The following RFPL1 variants were observed in gnomAD, a reference collection of about 807,000 sequenced individuals.
RFPL1 encodes the protein ret finger protein-like 1.
In RFPL1, 6 loss-of-function variants were observed where a neutral mutation model predicts 9.6. That is an observed-to-expected ratio of 0.62 (90% CI 0.34 to 1.23). The LOEUF is 1.23. Ranked by LOEUF, RFPL1 falls within the 50% of genes most tolerant of loss-of-function variation. The pLI is 0.03. For synonymous variants in RFPL1, 145 were observed against 149.4 expected (o/e 0.97, Z 0.22); for missense variants, 352 against 398.4 (o/e 0.88, Z 0.99).
chr22:29,392,380 T>G, the RFPL1 span, among the ~76,000 whole-genome samples: 711 of 47,586 alleles, frequency 0.015, 4 homozygotes, highest in Non-Finnish European at 0.018. Context: ...ACACCTGGCT[T>G]TTTTTTTTTT....
the RFPL1 span, among the ~76,000 whole-genome samples, chr22:29,398,077 C>T: frequency 2.0e-5 from 3 of 152,196 alleles, no homozygotes; most frequent in African/African-American, 4.8e-5. Flanking sequence ...GTGGCTCATC[C>T]GCTCTACCCT....
At chr22:29,437,327 T>G (rs1194207102), upstream of RFPL1, 1 of 314,230 alleles carries the variant, frequency 3.2e-6, no homozygotes, top group South Asian at 3.4e-5. Flanking sequence ...CAATCATACT[T>G]AATACTTCAG....
the RFPL1 span, among the ~76,000 whole-genome samples, chr22:29,425,423 T>A: frequency 2.6e-5 from 4 of 152,054 alleles, no homozygotes; most frequent in African/African-American, 7.2e-5. Flanking sequence ...ATCTTGACCA[T>A]GGAAAGGTCC....
the RFPL1 span, among the ~76,000 whole-genome samples, chr22:29,427,140 C>T: frequency 6.6e-6 from 1 of 152,232 alleles, no homozygotes; most frequent in African/African-American, 2.4e-5. Context: ...CCTGGCCTGG[C>T]CACCCAGCAG....
At chr22:29,391,684 C>G in the RFPL1 span, among the ~76,000 whole-genome samples, 1 of 152,076 alleles carries the variant, frequency 6.6e-6, no homozygotes, top group South Asian at 2.1e-4. Context: ...GCTGTCTTGC[C>G]GAATGAGAAC....
At chr22:29,425,032 G>A in the RFPL1 span, among the ~76,000 whole-genome samples, 1 of 151,220 alleles carries the variant, frequency 6.6e-6, no homozygotes, top group Admixed American at 6.6e-5. Context: ...GTGAAACCCC[G>A]TCTCTACTAA....
the RFPL1 span, among the ~76,000 whole-genome samples, chr22:29,393,676 C>T: frequency 5.3e-5 from 8 of 149,704 alleles, no homozygotes; most frequent in African/African-American, 2.0e-4. Context: ...TAGCCAAGCC[C>T]ACCTGGATAG....
At chr22:29,388,722 AGTC>A in the RFPL1 span, 1 of 152,354 alleles carries the variant, frequency 6.6e-6, no homozygotes, top group African/African-American at 2.4e-5. Context: ...GCTATGCTGC[AGTC>A]TCCCGCAGAG....
At chr22:29,435,744 T>C (rs1416764392), upstream of RFPL1, among the ~76,000 whole-genome samples, 3 of 152,230 alleles carry the variant, frequency 2.0e-5, no homozygotes, top group Non-Finnish European at 4.4e-5. Context: ...TTATTTAATA[T>C]GTGATACATT....
At chr22:29,429,202 A>G in the RFPL1 span, among the ~76,000 whole-genome samples, 1 of 152,220 alleles carries the variant, frequency 6.6e-6, no homozygotes, top group Admixed American at 6.5e-5. Context: ...CTATAGGTGC[A>G]CACCATCATG....
chr22:29,392,848 T>G, the RFPL1 span, among the ~76,000 whole-genome samples: 1 of 152,142 alleles, frequency 6.6e-6, no homozygotes, highest in Non-Finnish European at 1.5e-5. Flanking sequence ...CCTGAGAACT[T>G]AAATAGCATG....
At chr22:29,415,544 G>T in the RFPL1 span, among the ~76,000 whole-genome samples, 1 of 152,252 alleles carries the variant, frequency 6.6e-6, no homozygotes, top group Non-Finnish European at 1.5e-5. Context: ...GCTCCACAGG[G>T]CAAGCCTAAG....
chr22:29,395,599 C>T, the RFPL1 span, among the ~76,000 whole-genome samples: 1 of 152,224 alleles, frequency 6.6e-6, no homozygotes, highest in South Asian at 2.1e-4. Flanking sequence ...CCTAGCTGTA[C>T]ACCACAGGCT....
exon 1 of RFPL1, chr22:29,439,098 A>C (rs765648030): frequency 1.9e-5 from 31 of 1,614,048 alleles, no homozygotes; most frequent in Non-Finnish European, 2.5e-5. Flanking sequence ...GGCTTCCCAC[A>C]TCAAGGAACT....
At chr22:29,388,504 C>T in the RFPL1 span, 3 of 152,234 alleles carry the variant, frequency 2.0e-5, no homozygotes, top group African/African-American at 7.2e-5. Context: ...CTCTCGCTCT[C>T]CCGGTGCGTC....
At chr22:29,419,181 T>C in the RFPL1 span, 3 of 1,608,670 alleles carry the variant, frequency 1.9e-6, no homozygotes, top group Non-Finnish European at 2.6e-6. Flanking sequence ...CGGTCATCGA[T>C]GCAATCACTT....
chr22:29,389,685 CAA>C, the RFPL1 span, among the ~76,000 whole-genome samples: 8 of 75,522 alleles, frequency 1.1e-4, no homozygotes, highest in Non-Finnish European at 1.1e-4. Context: ...GACTCCGTCT[CAA>C]AAAAAAAAAA....
At chr22:29,407,682 G>A in the RFPL1 span, among the ~76,000 whole-genome samples, 1 of 151,892 alleles carries the variant, frequency 6.6e-6, no homozygotes, top group Non-Finnish European at 1.5e-5. Context: ...GTATCCAATT[G>A]TGAGCACAGA....
the RFPL1 span, among the ~76,000 whole-genome samples, chr22:29,404,146 A>G: frequency 2.0e-5 from 3 of 151,814 alleles, no homozygotes; most frequent in South Asian, 6.3e-4. Context: ...CAGAAAAGCA[A>G]AAAGGGAGAA....
Sources: gnomAD v4.1 joint callset for allele counts (sites outside exome capture counted in the v4.1 genomes callset) on GRCh38, gnomAD v4.1.1 for gene constraint, MANE v1.5 for transcripts, NCBI Gene and HGNC (gene_info 2026-07-23, HGNC 2026-07-21) for gene names.